The following PDXDC1 variants were observed in gnomAD, a reference collection of about 807,000 sequenced individuals.
PDXDC1 encodes the protein pyridoxal-dependent decarboxylase domain-containing protein 1.
In PDXDC1, 42 loss-of-function variants were observed where a neutral mutation model predicts 100.1. That is an observed-to-expected ratio of 0.42 (90% CI 0.33 to 0.54). The LOEUF is 0.54. Among genes scored for constraint, PDXDC1 ranks in the 20% least tolerant of loss-of-function variants. PDXDC1 has a pLI of 0.10. For synonymous variants in PDXDC1, 260 were observed against 371.7 expected (o/e 0.70, Z 3.46); for missense variants, 636 against 979.2 (o/e 0.65, Z 4.68).
At position 15,038,014 on chromosome 16, in the gene PDXDC1, T is replaced by C. The variant is rs1205750681; in HGVS notation, c.*1739T>C. On this transcript the variant is annotated 3_prime_UTR_variant, in exon 23 of 23. Coordinates refer to ENST00000396410, the MANE Select transcript of PDXDC1 (RefSeq NM_015027.4). ...CTGTCAGGCCAAGAAGGTGCTTTCT[T>C]TGGTAATTCATGTTTTTTAACTTCC... is the stretch of plus-strand genomic sequence containing the variant. 6.2e-7 allele frequency: 1 copy of C among 1,601,044 alleles called. No homozygotes were observed. The highest frequency in any genetic ancestry group is 2.2e-5 in the East Asian group (1 of 44,844).
chr16:15,100,157 T>A (rs1378182213), intron 16 of PDXDC1, among the ~76,000 whole-genome samples: 1 of 152,228 alleles, frequency 6.6e-6, no homozygotes, highest in East Asian at 1.9e-4. Context: ...GATTAAGTTA[T>A]GCTCAACTAA....
chr16:15,125,290 C>G (rs1488658835), intron 16 of PDXDC1: 1 of 628,700 alleles, frequency 1.6e-6, no homozygotes. Flanking sequence ...GTCCGGCCAA[C>G]TGGGCGTTCC....
intron 16 of PDXDC1, chr16:15,044,549 A>T (rs938294641): frequency 3.0e-6 from 2 of 659,734 alleles, no homozygotes; most frequent in Admixed American, 2.4e-5. Context: ...ACCGCAAAAG[A>T]AAGTATCGGC....
downstream of PDXDC1, chr16:15,038,393 A>G: frequency 9.6e-6 from 6 of 625,530 alleles, 1 homozygote; most frequent in South Asian, 1.1e-4. Context: ...ACACATTTCC[A>G]TCTAGGACTT....
At chr16:15,065,302 C>A in intron 16 of PDXDC1, 1 of 1,613,854 alleles carries the variant, frequency 6.2e-7, no homozygotes, top group Non-Finnish European at 8.5e-7. Flanking sequence ...CAGCGGTACT[C>A]CTAATGACTG....
chr16:14,978,236 C>T (rs1473969284), intron 1 of PDXDC1, among the ~76,000 whole-genome samples: 1 of 152,302 alleles, frequency 6.6e-6, no homozygotes, highest in Non-Finnish European at 1.5e-5. Flanking sequence ...CCCTGCCCCC[C>T]ACTGTATGTC....
At chr16:15,053,357 T>C (rs973414967) in intron 16 of PDXDC1, among the ~76,000 whole-genome samples, 2 of 152,204 alleles carry the variant, frequency 1.3e-5, no homozygotes, top group South Asian at 2.1e-4. Flanking sequence ...GTATGACTTA[T>C]TGTTATTATT....
At chr16:15,104,201 C>T (rs2046675810) in intron 16 of PDXDC1, 1 of 933,718 alleles carries the variant, frequency 1.1e-6, no homozygotes, top group South Asian at 2.1e-5. Context: ...TAATATTTTA[C>T]ATAACCAACC....
chr16:15,026,197 G>A (rs1187640399), intron 13 of PDXDC1: 2 of 174,342 alleles, frequency 1.1e-5, no homozygotes, highest in African/African-American at 2.4e-5. Flanking sequence ...GAGGCCAAGA[G>A]TTCAAGGCCA....
intron 16 of PDXDC1, chr16:15,094,827 CTTTA>C (rs543114643): frequency 5.9e-5 from 9 of 152,500 alleles, no homozygotes; most frequent in African/African-American, 9.7e-5. Flanking sequence ...ACCCCCTTGA[CTTTA>C]TTTATTTATT....
chr16:15,135,674 T>C, intron 16 of PDXDC1: 2 of 1,596,630 alleles, frequency 1.3e-6, no homozygotes, highest in Non-Finnish European at 1.7e-6. Flanking sequence ...ACAGGCCCAC[T>C]GGAAACTGAG....
Position 15,034,466 on chromosome 16 carries a change from C to T in PDXDC1, c.1915C>T (p.Arg639Trp), listed in dbSNP as rs751281968. Residue 639 changes from arginine to tryptophan, a missense_variant, in exon 21 of 23, where the codon CGG becomes TGG. Around this residue, in one of 4 missense-constraint regions of PDXDC1, gnomAD observed 452 missense variants for 402.9 expected, o/e 1.12. Coordinates refer to ENST00000396410, the MANE Select transcript of PDXDC1 (RefSeq NM_015027.4). Reference protein sequence around the residue: ...EERLLEEGVLRQIPVVGSVLN... With the variant: ...EERLLEEGVLWQIPVVGSVLN... ...TGGTCCTGTCTTGCAGGGGGTGTTGCGGCAGATCCCTGTAGTGGGCTCCGT... is the reference window on the plus strand; with the variant it reads ...TGGTCCTGTCTTGCAGGGGGTGTTGTGGCAGATCCCTGTAGTGGGCTCCGT... 6.8e-6 allele frequency: 11 copies of T among 1,613,928 alleles called. No homozygotes were observed. Among genetic ancestry groups the T allele is most frequent in the African/African-American group, 4.0e-5 (3 of 74,936 alleles).
At chr16:14,990,357 TCTGGCTGTTGCC>T (rs1197966211) in intron 1 of PDXDC1, among the ~76,000 whole-genome samples, 1 of 152,294 alleles carries the variant, frequency 6.6e-6, no homozygotes, top group African/African-American at 2.4e-5. Flanking sequence ...TAGGTTTGTG[TCTGGCTGTTGCC>T]CTGGTGTTGT....
intron 5 of PDXDC1, among the ~76,000 whole-genome samples, chr16:15,006,185 G>A (rs71271217): frequency 0.15 from 21,542 of 147,726 alleles, 332 homozygotes; most frequent in Admixed American, 0.24. Flanking sequence ...ATTGGGTATG[G>A]ATGGAGGGTT....
At chr16:15,031,659 T>G in intron 16 of PDXDC1, 76 bp from the exon 17 acceptor site, 1 of 1,304,006 alleles carries the variant, frequency 7.7e-7, no homozygotes, top group Non-Finnish European at 1.1e-6. Flanking sequence ...ACCTTCCCAG[T>G]AGTGGAAGAG....
chr16:15,124,645 G>A (rs3883143), intron 16 of PDXDC1, among the ~76,000 whole-genome samples: 25 of 150,898 alleles, frequency 1.7e-4, no homozygotes, highest in Admixed American at 1.3e-3. Context: ...GGTGGTGGGC[G>A]CCTGTAGTCC....
At chr16:15,055,989 AGG>A in intron 16 of PDXDC1, 1 of 1,203,090 alleles carries the variant, frequency 8.3e-7, no homozygotes, top group Non-Finnish European at 1.0e-6. Flanking sequence ...GCGGCCGCCC[AGG>A]CAGGCCCAGG....
chr16:15,127,476 C>A (rs1345682701), intron 16 of PDXDC1: 1 of 1,567,276 alleles, frequency 6.4e-7, no homozygotes, highest in South Asian at 1.1e-5. Flanking sequence ...CCACCTTGCT[C>A]CGGGACATCC....
intron 8 of PDXDC1, among the ~76,000 whole-genome samples, chr16:15,013,136 C>T (rs1257906133): frequency 2.0e-5 from 3 of 152,194 alleles, no homozygotes; most frequent in South Asian, 2.1e-4. Context: ...CACCACTGCA[C>T]TCCAGCCTTG....
Sources: allele counts gnomAD v4.1 joint callset (sites outside exome capture counted in the v4.1 genomes callset), GRCh38; gene constraint gnomAD v4.1.1; regional missense constraint gnomAD v4.1.1; transcripts MANE v1.5; gene names NCBI Gene and HGNC (gene_info 2026-07-23, HGNC 2026-07-21).